GNE: variants seen among roughly 807,000 people sequenced by gnomAD.
GNE encodes the protein bifunctional UDP-N-acetylglucosamine 2-epimerase/N-acetylmannosamine kinase.
GNE carries 41 observed loss-of-function variants against 61.8 expected under a neutral mutation model. The ratio of observed to expected loss-of-function variants is 0.66; its 90% CI spans 0.52 to 0.86. GNE has a LOEUF of 0.86. Ranked by LOEUF, GNE falls within the 40% of genes least tolerant of loss-of-function variation. The pLI is 0.00. For synonymous variants in GNE, 264 were observed against 326.4 expected (o/e 0.81, Z 2.06); for missense variants, 608 against 909.1 (o/e 0.67, Z 4.26).
At position 36,238,275 on chromosome 9, in the gene GNE, CTTCTT is replaced by C. The variant is rs894029945; in HGVS notation, c.617-1296_617-1292del. ...TGCAAGTATCTTTTTCAAATAATGACTTCTTTTCCTCTGGGTAGATACCCAGTAGT... is the reference window on the plus strand; with the variant it reads ...TGCAAGTATCTTTTTCAAATAATGACTTCCTCTGGGTAGATACCCAGTAGT... On this transcript the variant is annotated intron_variant, in intron 3 of 11. Coordinates refer to ENST00000642385, the MANE Select transcript of GNE (RefSeq NM_005476.7). 1.4e-4 allele frequency among the ~76,000 whole-genome samples: 21 copies of C among 152,242 alleles called. 1 individual carries two copies. Among genetic ancestry groups the C allele is most frequent in the African/African-American group, 5.1e-4 (21 of 41,534 alleles).
At chr9:36,221,518 A>T (rs1167216041) in intron 9 of GNE, among the ~76,000 whole-genome samples, 1 of 152,198 alleles carries the variant, frequency 6.6e-6, no homozygotes, top group Non-Finnish European at 1.5e-5. Context: ...AAACAAAAGT[A>T]ACAAATTGGG....
At chr9:36,274,859 A>G (rs1831201558) in intron 1 of GNE, among the ~76,000 whole-genome samples, 1 of 151,262 alleles carries the variant, frequency 6.6e-6, no homozygotes, top group African/African-American at 2.4e-5. Context: ...CGTAGCTGGG[A>G]CTACAGGCAC....
At chr9:36,219,763 CT>C (rs1828498894) in intron 10 of GNE, 74 bp downstream of exon 10, 1 of 1,319,826 alleles carries the variant, frequency 7.6e-7, no homozygotes, top group Non-Finnish European at 1.1e-6. Context: ...CAGTGTTCAG[CT>C]GTCTTTGGAA....
At chr9:36,257,848 G>GGC (rs1830446868) in intron 1 of GNE, among the ~76,000 whole-genome samples, 1 of 145,122 alleles carries the variant, frequency 6.9e-6, no homozygotes, top group Non-Finnish European at 1.5e-5. Flanking sequence ...TTGGGGTGAG[G>GGC]GCGGGGAATT....
intron 5 of GNE, among the ~76,000 whole-genome samples, chr9:36,229,320 G>A (rs949673484): frequency 1.3e-5 from 2 of 152,008 alleles, no homozygotes; most frequent in Non-Finnish European, 2.9e-5. Flanking sequence ...AGGGCCCTAG[G>A]GTCCTTTATT....
chr9:36,265,828 G>A (rs146849938), intron 1 of GNE, among the ~76,000 whole-genome samples: 1,879 of 152,348 alleles, frequency 0.012, 34 homozygotes, highest in African/African-American at 0.041. Context: ...GTGCTTCTAT[G>A]AGAATCTGAT....
chr9:36,259,585 C>T (rs115376831), upstream of GNE, among the ~76,000 whole-genome samples: 825 of 152,218 alleles, frequency 5.4e-3, 9 homozygotes, highest in African/African-American at 0.018. Context: ...CTTGGAGCCA[C>T]GAAAAGGTCA....
rs545043408 is a variant in GNE, at chr9:36,222,691, G to A, written c.1633+86C>T. 3.1e-5 allele frequency: 29 copies of A among 939,030 alleles called. No homozygotes were observed. In the East Asian group the frequency reaches 6.2e-4, roughly 20 times the overall value. The allele number at this position is 939,030 out of a possible 1,614,324, so 58.2% of individuals were successfully genotyped here. A position where few individuals can be genotyped will look rare whatever the true frequency, so the allele number is the denominator to read the frequency against. ...AGTCATGCAGGAAGTGAAGGCTAAG[G>A]CAGAGTTGTAACCACCTGACCATGT... On this transcript the variant is annotated intron_variant, in intron 9 of 11. Coordinates refer to ENST00000642385, the MANE Select transcript of GNE (RefSeq NM_005476.7).
chr9:36,238,450 G>T (rs958190276), intron 3 of GNE, among the ~76,000 whole-genome samples: 2 of 152,208 alleles, frequency 1.3e-5, no homozygotes, highest in African/African-American at 4.8e-5. Context: ...TCTTACAGGA[G>T]TAAGGCGGCA....
At chr9:36,258,278 C>T (rs1217438094) in intron 1 of GNE, 43 bp downstream of exon 1, 3 of 973,848 alleles carry the variant, frequency 3.1e-6, no homozygotes, top group African/African-American at 3.5e-5. Flanking sequence ...TGGGGGTGGG[C>T]AGGATGCTCT....
At chr9:36,240,140 T>A (rs1829574316) in intron 3 of GNE, among the ~76,000 whole-genome samples, 1 of 152,176 alleles carries the variant, frequency 6.6e-6, no homozygotes, top group African/African-American at 2.4e-5. Flanking sequence ...TCTTTACTGA[T>A]TTGGATGCCC....
intron 6 of GNE, among the ~76,000 whole-genome samples, chr9:36,227,768 G>A (rs1452948686): frequency 6.6e-6 from 1 of 152,034 alleles, no homozygotes; most frequent in African/African-American, 2.4e-5. Flanking sequence ...GGGTGCAGTG[G>A]CTCATACCTG....
chr9:36,237,677 CA>C (rs1205565650), intron 3 of GNE, among the ~76,000 whole-genome samples: 4 of 151,534 alleles, frequency 2.6e-5, no homozygotes, highest in Non-Finnish European at 5.9e-5. Flanking sequence ...TTTATTTTTC[CA>C]TAAGTTATTG....
At chr9:36,265,577 A>G in intron 1 of GNE, 1 of 429,992 alleles carries the variant, frequency 2.3e-6, no homozygotes, top group South Asian at 1.6e-5. Flanking sequence ...CCTAGCTGGT[A>G]AGTATCTCAC....
intron 1 of GNE, among the ~76,000 whole-genome samples, chr9:36,257,630 C>A (rs939913180): frequency 2.7e-5 from 4 of 150,696 alleles, no homozygotes; most frequent in African/African-American, 9.8e-5. Flanking sequence ...GGTGAAACCC[C>A]GTCTCTACTA....
chr9:36,258,882 C>G (rs1830512995), upstream of GNE, among the ~76,000 whole-genome samples: 1 of 152,146 alleles, frequency 6.6e-6, no homozygotes, highest in East Asian at 1.9e-4. Context: ...TGACGTTAAC[C>G]CTTGCCGTGA....
upstream of GNE, among the ~76,000 whole-genome samples, chr9:36,261,548 GTCTCAAA>G (rs1830617842): frequency 5.3e-5 from 6 of 112,480 alleles, no homozygotes; most frequent in African/African-American, 2.2e-4. Context: ...GTGAGACTCC[GTCTCAAA>G]AAAAAAAAAA....
chr9:36,240,342 C>T (rs1829584486), intron 3 of GNE, among the ~76,000 whole-genome samples: 1 of 152,166 alleles, frequency 6.6e-6, no homozygotes, highest in African/African-American at 2.4e-5. Flanking sequence ...CCCTTGTATG[C>T]TGATTTTGCT....
chr9:36,246,036 C>T lies in GNE; in HGVS notation c.611G>A (p.Trp204Ter), dbSNP rs754963533. The change falls in exon 3 of 12, where the codon TGG (tryptophan) becomes TAG (stop). Residue 204 changes from tryptophan to a stop codon, truncating the protein, a stop_gained. Coordinates refer to ENST00000642385, the MANE Select transcript of GNE (RefSeq NM_005476.7). LOFTEE classifies it high-confidence loss of function. The stretch of plus-strand genomic sequence containing the variant: ...CTAAAGTCTGAGATACGTACCTAGC[C>T]ACATGCGAATGATGCTCATGTAGTC... ...NKDYMSIIRM[W>*]LGDDVKSKDY... The T allele has an allele frequency of 1.2e-6, 2 of 1,611,904 alleles. No homozygotes were observed. The highest frequency in any genetic ancestry group is 1.7e-6 in the Non-Finnish European group (2 of 1,178,142).
Sources: allele counts gnomAD v4.1 joint callset (sites outside exome capture counted in the v4.1 genomes callset), GRCh38; gene constraint gnomAD v4.1.1; transcripts MANE v1.5; gene names NCBI Gene and HGNC (gene_info 2026-07-23, HGNC 2026-07-21).